Variants in SLCO1C1 observed in about 807,000 individuals in gnomAD.
SLCO1C1 encodes solute carrier organic anion transporter family member 1C1, also known as OAT-RP-5.
In SLCO1C1, 70 loss-of-function variants were observed where a neutral mutation model predicts 76.4. The ratio of observed to expected loss-of-function variants is 0.92; its 90% CI spans 0.76 to 1.12. The LOEUF is 1.12. Ranked by LOEUF, SLCO1C1 falls within the 50% of genes most tolerant of loss-of-function variation. SLCO1C1 has a pLI of 0.00. For synonymous variants in SLCO1C1, 306 were observed against 286.1 expected, an observed-to-expected ratio of 1.07 and a Z score of -0.70; for missense variants, 912 against 823.8, an observed-to-expected ratio of 1.11 and a Z score of -1.31.
intron 9 of SLCO1C1, among the ~76,000 whole-genome samples, chr12:20,727,030 G>C (rs991574964): frequency 1.3e-5 from 2 of 152,160 alleles, no homozygotes; most frequent in Non-Finnish European, 2.9e-5. Context: ...TTGCTGCAAA[G>C]GGCATGATTT....
chr12:20,747,807 C>T (rs1324912035), intron 13 of SLCO1C1, among the ~76,000 whole-genome samples: 14 of 152,056 alleles, frequency 9.2e-5, no homozygotes, highest in Non-Finnish European at 2.9e-5. Flanking sequence ...AAAATGTAAA[C>T]ATATACAAAG....
chr12:20,718,849 T>G (rs1306861365), intron 7 of SLCO1C1, among the ~76,000 whole-genome samples: 2 of 152,292 alleles, frequency 1.3e-5, no homozygotes, highest in South Asian at 2.1e-4. Context: ...ATTTTTACTC[T>G]AATGAACAAA....
At chr12:20,741,161 G>A (rs984332224) in intron 12 of SLCO1C1, among the ~76,000 whole-genome samples, 4 of 151,944 alleles carry the variant, frequency 2.6e-5, no homozygotes, top group Non-Finnish European at 5.9e-5. Context: ...CACAACAACA[G>A]CATGGGGGAG....
intron 6 of SLCO1C1, among the ~76,000 whole-genome samples, chr12:20,716,476 T>C (rs1031917432): frequency 2.6e-4 from 39 of 152,302 alleles, no homozygotes; most frequent in Non-Finnish European, 3.7e-4. Flanking sequence ...TGTGGTGAAA[T>C]GAAAAACAGA....
At position 20,711,374 on chromosome 12, in the gene SLCO1C1, C is replaced by T. The variant is rs1333297983; in HGVS notation, c.405-12C>T. The stretch of plus-strand genomic sequence containing the variant: ...ATGAGTCTATCATGAAGAAAACATT[C>T]CTCTTATGCAGGTACAAATATGAGA... On this transcript the variant is annotated splice_polypyrimidine_tract_variant and intron_variant, in intron 4 of 14. Coordinates refer to ENST00000266509, the MANE Select transcript of SLCO1C1 (RefSeq NM_017435.5). 1.2e-6 allele frequency: 2 copies of T among 1,608,164 alleles called. No individual in the cohort carries two copies. Among genetic ancestry groups the T allele is most frequent in the Admixed American group, 1.7e-5 (1 of 58,982 alleles).
intron 7 of SLCO1C1, among the ~76,000 whole-genome samples, chr12:20,719,062 T>C (rs1947522474): frequency 6.6e-6 from 1 of 151,660 alleles, no homozygotes; most frequent in Non-Finnish European, 1.5e-5. Flanking sequence ...GGTCTCCGTG[T>C]CACATTTTGG....
At chr12:20,722,221 C>G (rs1440815767) in intron 8 of SLCO1C1, among the ~76,000 whole-genome samples, 172 bp downstream of exon 8, 1 of 152,214 alleles carries the variant, frequency 6.6e-6, no homozygotes, top group Non-Finnish European at 1.5e-5. Context: ...TTGCAGTACA[C>G]GACCAAAGAG....
intron 3 of SLCO1C1, among the ~76,000 whole-genome samples, chr12:20,702,280 T>C (rs1946562794): frequency 6.6e-6 from 1 of 151,946 alleles, no homozygotes; most frequent in African/African-American, 2.4e-5. Context: ...ATTTTTCAAC[T>C]CTTTAACAAT....
At chr12:20,726,065 C>A (rs1947970636) in intron 9 of SLCO1C1, among the ~76,000 whole-genome samples, 1 of 151,988 alleles carries the variant, frequency 6.6e-6, no homozygotes, top group East Asian at 1.9e-4. Context: ...CGTAAGTGGG[C>A]CAATTATTCA....
At chr12:20,704,178 ACAACT>A (rs928186069) in intron 3 of SLCO1C1, among the ~76,000 whole-genome samples, 3 of 151,554 alleles carry the variant, frequency 2.0e-5, no homozygotes, top group African/African-American at 7.3e-5. Context: ...GTATCTCCTG[ACAACT>A]CAGAAAGGAT....
intron 4 of SLCO1C1, among the ~76,000 whole-genome samples, chr12:20,706,370 T>C (rs1459067926): frequency 6.6e-6 from 1 of 152,122 alleles, no homozygotes; most frequent in East Asian, 1.9e-4. Context: ...GCAAAATATA[T>C]AATTGAAAAT....
chr12:20,737,012 T>C (rs1948577301), intron 10 of SLCO1C1, 95 bp from the exon 11 acceptor site: 1 of 1,119,018 alleles, frequency 8.9e-7, no homozygotes, highest in Non-Finnish European at 1.2e-6. Flanking sequence ...TTGTTCATAG[T>C]ATCATTTATA....
intron 2 of SLCO1C1, chr12:20,699,924 A>G: frequency 2.6e-6 from 1 of 380,466 alleles, no homozygotes; most frequent in Non-Finnish European, 4.6e-6. Context: ...ATGCCCCCCC[A>G]AACAGAAAAG....
At chr12:20,726,442 C>T (rs1340668083) in intron 9 of SLCO1C1, among the ~76,000 whole-genome samples, 2 of 152,028 alleles carry the variant, frequency 1.3e-5, no homozygotes, top group Non-Finnish European at 2.9e-5. Context: ...TCTTCCTGTA[C>T]ATGTTTTTAA....
intron 1 of SLCO1C1, among the ~76,000 whole-genome samples, chr12:20,699,290 C>A (rs1946407710): frequency 6.6e-6 from 1 of 151,910 alleles, no homozygotes. Context: ...CCAAAGGCAA[C>A]ACTTAAATTT....
At chr12:20,715,821 A>C (rs944790146) in intron 6 of SLCO1C1, among the ~76,000 whole-genome samples, 1 of 152,228 alleles carries the variant, frequency 6.6e-6, no homozygotes, top group Non-Finnish European at 1.5e-5. Context: ...AGGCTACCTC[A>C]TCTCTGGAAC....
intron 13 of SLCO1C1, among the ~76,000 whole-genome samples, chr12:20,749,909 A>G (rs931005298): frequency 3.3e-5 from 5 of 152,214 alleles, no homozygotes; most frequent in Admixed American, 6.5e-5. Flanking sequence ...GTGTATTAAG[A>G]ATGTGAATAA....
At chr12:20,699,110 A>G (rs923422217) in intron 1 of SLCO1C1, among the ~76,000 whole-genome samples, 3 of 152,080 alleles carry the variant, frequency 2.0e-5, no homozygotes, top group African/African-American at 4.8e-5. Context: ...CCTATAATGA[A>G]TGTAAAACTT....
At chr12:20,743,788 C>T (rs1353014525) in intron 13 of SLCO1C1, among the ~76,000 whole-genome samples, 1 of 151,782 alleles carries the variant, frequency 6.6e-6, no homozygotes, top group Non-Finnish European at 1.5e-5. Flanking sequence ...AATGCTTATC[C>T]CTTATGTTAT....
Sources: gnomAD v4.1 joint callset for allele counts (sites outside exome capture counted in the v4.1 genomes callset) on GRCh38, gnomAD v4.1.1 for gene constraint, MANE v1.5 for transcripts, NCBI Gene and HGNC (gene_info 2026-07-23, HGNC 2026-07-21) for gene names.